Variants in MDFIC2 observed in about 807,000 individuals in gnomAD.
MDFIC2 encodes myoD family inhibitor domain-containing protein 2.
intron 2 of MDFIC2, among the ~76,000 whole-genome samples, chr3:70,266,327 A>C (rs1026508747): frequency 6.6e-6 from 1 of 152,126 alleles, no homozygotes; most frequent in Non-Finnish European, 1.5e-5. Flanking sequence ...TGTTTTGATT[A>C]AACTGTAATC....
intron 2 of MDFIC2, among the ~76,000 whole-genome samples, chr3:70,213,647 G>A (rs557786967): frequency 3.2e-4 from 48 of 152,160 alleles, no homozygotes; most frequent in Admixed American, 1.4e-3. Context: ...GAGAAAAAAA[G>A]TTTTTTTCCT....
At chr3:70,263,987 C>T (rs1701891800) in intron 2 of MDFIC2, among the ~76,000 whole-genome samples, 1 of 152,258 alleles carries the variant, frequency 6.6e-6, no homozygotes, top group South Asian at 2.1e-4. Context: ...TTCAGGCTCT[C>T]CTACTCTGTC....
At chr3:70,278,320 AC>A (rs1460517348) in intron 2 of MDFIC2, among the ~76,000 whole-genome samples, 1 of 152,160 alleles carries the variant, frequency 6.6e-6, no homozygotes, top group African/African-American at 2.4e-5. Flanking sequence ...TATGTACCCA[AC>A]CTATTCTTGA....
At chr3:70,262,658 A>T (rs1701877714) in intron 2 of MDFIC2, among the ~76,000 whole-genome samples, 1 of 152,172 alleles carries the variant, frequency 6.6e-6, no homozygotes, top group African/African-American at 2.4e-5. Flanking sequence ...CAAATTTTAC[A>T]CTTGTGTCAC....
At chr3:70,254,601 C>G (rs888273171) in intron 2 of MDFIC2, among the ~76,000 whole-genome samples, 2 of 152,072 alleles carry the variant, frequency 1.3e-5, no homozygotes, top group Admixed American at 1.3e-4. Context: ...ACTTAGCAAA[C>G]CAAAAGTGGA....
At chr3:70,291,981 C>A (rs1575617693) in intron 2 of MDFIC2, 1 of 152,314 alleles carries the variant, frequency 6.6e-6, no homozygotes, top group African/African-American at 2.4e-5. Context: ...ATTCATTAAG[C>A]ATTTCTATCA....
intron 2 of MDFIC2, among the ~76,000 whole-genome samples, chr3:70,214,259 C>A (rs1701383322): frequency 6.6e-6 from 1 of 152,030 alleles, no homozygotes; most frequent in Non-Finnish European, 1.5e-5. Context: ...GGAAGACGTC[C>A]TTTAAAGACT....
At chr3:70,277,661 G>A (rs924682209) in intron 2 of MDFIC2, among the ~76,000 whole-genome samples, 6 of 152,102 alleles carry the variant, frequency 3.9e-5, no homozygotes, top group Admixed American at 6.5e-5. Flanking sequence ...AAGTATGGTC[G>A]AGTATGGGGA....
intron 2 of MDFIC2, among the ~76,000 whole-genome samples, chr3:70,240,808 A>C (rs896684421): frequency 1.3e-5 from 2 of 152,172 alleles, no homozygotes; most frequent in Admixed American, 6.6e-5. Context: ...CATCACTGTA[A>C]TTTAATAATT....
At chr3:70,236,166 G>A (rs762823626) in intron 2 of MDFIC2, among the ~76,000 whole-genome samples, 3 of 151,838 alleles carry the variant, frequency 2.0e-5, no homozygotes, top group Admixed American at 6.6e-5. Context: ...TCTCTCCTTC[G>A]CATAGATGAC....
intron 2 of MDFIC2, among the ~76,000 whole-genome samples, chr3:70,279,067 C>A (rs566954390): frequency 6.7e-6 from 1 of 149,972 alleles, no homozygotes; most frequent in South Asian, 2.2e-4. Context: ...TTCCTAACAT[C>A]TTCTCATTTG....
At chr3:70,291,147 A>G (rs894914151) in intron 2 of MDFIC2, 2 of 152,116 alleles carry the variant, frequency 1.3e-5, no homozygotes, top group East Asian at 1.9e-4. Flanking sequence ...CATAAAAAGT[A>G]TTTTTCACAT....
chr3:70,305,437 G>A (rs1015735134), intron 2 of MDFIC2, among the ~76,000 whole-genome samples: 3 of 152,134 alleles, frequency 2.0e-5, no homozygotes, highest in Non-Finnish European at 4.4e-5. Context: ...AAGCATTAGT[G>A]TGGCTTAATA....
At chr3:70,254,804 T>A (rs1253429642) in intron 2 of MDFIC2, among the ~76,000 whole-genome samples, 1 of 152,228 alleles carries the variant, frequency 6.6e-6, no homozygotes, top group African/African-American at 2.4e-5. Context: ...TGTGCATTCT[T>A]CTATACAAGA....
At chr3:70,270,010 A>G (rs1055095393) in intron 2 of MDFIC2, among the ~76,000 whole-genome samples, 2 of 152,360 alleles carry the variant, frequency 1.3e-5, no homozygotes, top group South Asian at 4.1e-4. Flanking sequence ...AAACAACTGG[A>G]CAAGAGTACA....
rs1702302187 is a variant in MDFIC2 at position 70,297,544 on chromosome 3, G to A, written c.88+14342C>T. On this transcript the variant is annotated intron_variant, in intron 2 of 3. Coordinates refer to ENST00000567252, the MANE Select transcript of MDFIC2 (RefSeq NM_001364677.1). ...AATATGAAGGCTTATTATTGCATATGTCTGGGTACCCTGTGGAGCAATATG... is the reference window on the plus strand; with the variant it reads ...AATATGAAGGCTTATTATTGCATATATCTGGGTACCCTGTGGAGCAATATG... Among the ~76,000 whole-genome samples the A allele has an allele frequency of 2.6e-5, 4 of 152,060 alleles. No homozygotes were observed. The South Asian group carries it at 8.3e-4, about 31-fold the overall frequency.
chr3:70,304,653 C>G (rs1336057036), intron 2 of MDFIC2, among the ~76,000 whole-genome samples: 3 of 152,194 alleles, frequency 2.0e-5, no homozygotes, highest in Non-Finnish European at 2.9e-5. Flanking sequence ...TCTATTTCAT[C>G]TTCAAAGTTG....
intron 2 of MDFIC2, among the ~76,000 whole-genome samples, chr3:70,261,066 C>G (rs1288436782): frequency 6.6e-6 from 1 of 152,156 alleles, no homozygotes; most frequent in Non-Finnish European, 1.5e-5. Context: ...AATATAAGCA[C>G]TTCAACGTTT....
rs1436206545 is a variant in MDFIC2 at position 70,195,905 on chromosome 3, A to G, written c.*1021T>C. The stretch of plus-strand genomic sequence containing the variant: ...AGTCTATATCACATCTTTTTCTTAA[A>G]AAAATAAGTAAAATAAGTACTTGAC... On this transcript the variant is annotated 3_prime_UTR_variant, in exon 4 of 4. Transcript: ENST00000567252. Among the ~76,000 whole-genome samples the G allele has an allele frequency of 6.6e-6, 1 of 152,194 alleles. No individual in the cohort carries two copies. Among genetic ancestry groups the G allele is most frequent in the African/African-American group, 2.4e-5 (1 of 41,458 alleles).
Sources: allele counts gnomAD v4.1 joint callset (sites outside exome capture counted in the v4.1 genomes callset), GRCh38; gene constraint gnomAD v4.1.1; transcripts MANE v1.5; gene names NCBI Gene and HGNC (gene_info 2026-07-23, HGNC 2026-07-21).